Variants in SETD3 observed in about 807,000 individuals in gnomAD.
SETD3 encodes SET domain containing 3, actin N3(tau)-histidine methyltransferase, also known as actin-histidine N-methyltransferase.
Under a neutral mutation model 63.0 loss-of-function variants are expected in SETD3, and 19 were observed. The ratio of observed to expected loss-of-function variants is 0.30; its 90% CI spans 0.21 to 0.44. The LOEUF (loss-of-function observed/expected upper bound fraction) is 0.44. SETD3 is among the 20% of genes least tolerant of loss of function. SETD3 has a pLI of 1.00. For synonymous variants in SETD3, 286 were observed against 264.1 expected (o/e 1.08, Z -0.80); for missense variants, 587 against 728.5 (o/e 0.81, Z 2.24).
chr14:99,466,452 G>A (rs187710700), intron 1 of SETD3, among the ~76,000 whole-genome samples: 14 of 152,308 alleles, frequency 9.2e-5, no homozygotes, highest in Admixed American at 2.6e-4. Context: ...GGTCCTCTGC[G>A]GGCATGTGAG....
At chr14:99,419,898 C>A (rs1485595242) in intron 6 of SETD3, among the ~76,000 whole-genome samples, 1 of 151,900 alleles carries the variant, frequency 6.6e-6, no homozygotes, top group African/African-American at 2.4e-5. Flanking sequence ...AATTACTCAA[C>A]AAATATTTAT....
chr14:99,441,799 G>T (rs930549704), intron 6 of SETD3, among the ~76,000 whole-genome samples: 1 of 152,202 alleles, frequency 6.6e-6, no homozygotes, highest in Non-Finnish European at 1.5e-5. Flanking sequence ...TGTTCTAAGC[G>T]TAAGGAAAAG....
In SETD3 at chr14:99,470,274, C is replaced by A. The variant is rs1566735292; in HGVS notation, c.-8-4461G>T. Among the ~76,000 whole-genome samples, 5 of 152,204 alleles carry A rather than the reference C, an allele frequency of 3.3e-5. No individual in the cohort carries two copies. The South Asian group carries it at 1.0e-3, about 31-fold the overall frequency. ...TCTTCCATGCAACCCTCACGCCCAA[C>A]AAAGTCAGTAAGAAAGGGTCAAACT... On this transcript the variant is annotated intron_variant, in intron 1 of 12. Transcript: ENST00000331768.
At chr14:99,484,132 C>A (rs1240717861), upstream of SETD3, among the ~76,000 whole-genome samples, 3 of 152,210 alleles carry the variant, frequency 2.0e-5, no homozygotes, top group East Asian at 5.8e-4. Flanking sequence ...ATGTAACATT[C>A]CACTTAAACA....
At chr14:99,448,781 G>T (rs1286940991) in intron 6 of SETD3, among the ~76,000 whole-genome samples, 1 of 152,188 alleles carries the variant, frequency 6.6e-6, no homozygotes, top group Non-Finnish European at 1.5e-5. Context: ...GAACACGTTT[G>T]CTTCTAGGGA....
At chr14:99,476,229 G>C (rs1369377150) in intron 1 of SETD3, among the ~76,000 whole-genome samples, 1 of 152,184 alleles carries the variant, frequency 6.6e-6, no homozygotes, top group Non-Finnish European at 1.5e-5. Context: ...ACACCTCAAT[G>C]ACAAATCTTA....
chr14:99,427,908 G>A (rs971308724), intron 6 of SETD3, among the ~76,000 whole-genome samples: 4 of 152,212 alleles, frequency 2.6e-5, no homozygotes, highest in African/African-American at 7.2e-5. Flanking sequence ...GGTGGCATGC[G>A]AGTTAAGTCT....
chr14:99,474,815 G>A (rs1392870784), intron 1 of SETD3, among the ~76,000 whole-genome samples: 1 of 152,010 alleles, frequency 6.6e-6, no homozygotes, highest in Non-Finnish European at 1.5e-5. Flanking sequence ...GGGCCACAGA[G>A]CAAGACTGTG....
intron 6 of SETD3, among the ~76,000 whole-genome samples, chr14:99,438,015 T>C (rs1893587576): frequency 6.6e-6 from 1 of 152,204 alleles, no homozygotes; most frequent in Admixed American, 6.5e-5. Context: ...GAACAAGGAC[T>C]TCAAAGCCGA....
chr14:99,449,596 G>A (rs186529433), intron 6 of SETD3, among the ~76,000 whole-genome samples: 5 of 152,156 alleles, frequency 3.3e-5, no homozygotes, highest in Admixed American at 3.3e-4. Context: ...GACAAGGAGA[G>A]ACCAAGGAAC....
intron 4 of SETD3, 84 bp downstream of exon 4, chr14:99,461,106 ACG>A (rs1895039199): frequency 1.4e-6 from 2 of 1,479,272 alleles, no homozygotes; most frequent in Non-Finnish European, 1.8e-6. Context: ...CCCCCACCAC[ACG>A]TCTACCTCTT....
Position 99,435,013 on chromosome 14 carries a change from T to TA in SETD3, c.676-21080dup, listed in dbSNP as rs200536420. Among the ~76,000 whole-genome samples the TA allele has an allele frequency of 2.0e-3, 308 of 151,936 alleles. 1 individual carries two copies. The highest frequency in any genetic ancestry group is 7.2e-3 in the African/African-American group (297 of 41,502). On this transcript the variant is annotated intron_variant, in intron 6 of 12. Transcript: ENST00000331768. Reference sequence around the variant, plus strand: ...GGGTTACTAACTGGCCCCAGCCTTTTAAAAAAAATTATATTTTTATTCTAT... The same window carrying TA: ...GGGTTACTAACTGGCCCCAGCCTTTTAAAAAAAAATTATATTTTTATTCTAT...
At chr14:99,441,830 A>G (rs1487699806) in intron 6 of SETD3, among the ~76,000 whole-genome samples, 4 of 152,226 alleles carry the variant, frequency 2.6e-5, no homozygotes, top group Non-Finnish European at 5.9e-5. Context: ...GACATGGACT[A>G]CTATTTATAT....
At chr14:99,471,876 A>T (rs1437840976) in intron 1 of SETD3, among the ~76,000 whole-genome samples, 1 of 152,170 alleles carries the variant, frequency 6.6e-6, no homozygotes, top group African/African-American at 2.4e-5. Context: ...CAAGGACACG[A>T]GCATCCGCCC....
At chr14:99,440,798 T>A (rs571741483) in intron 6 of SETD3, among the ~76,000 whole-genome samples, 3 of 150,302 alleles carry the variant, frequency 2.0e-5, no homozygotes, top group Admixed American at 6.6e-5. Flanking sequence ...CATCACCCCA[T>A]TTTTTGGAAA....
At chr14:99,428,747 G>A (rs752746309) in intron 6 of SETD3, among the ~76,000 whole-genome samples, 1 of 152,178 alleles carries the variant, frequency 6.6e-6, no homozygotes, top group South Asian at 2.1e-4. Context: ...TGGGCCTGAT[G>A]TGGCAAGGAA....
intron 11 of SETD3, among the ~76,000 whole-genome samples, chr14:99,402,564 G>A (rs1218432682): frequency 1.3e-5 from 2 of 152,046 alleles, no homozygotes; most frequent in Admixed American, 6.6e-5. Context: ...TTACAGGCAT[G>A]AGCCACAGCA....
chr14:99,426,502 T>G (rs1028763887), intron 6 of SETD3, among the ~76,000 whole-genome samples: 1 of 152,132 alleles, frequency 6.6e-6, no homozygotes, highest in African/African-American at 2.4e-5. Context: ...GCAGAGCAGC[T>G]GAGGCCTGAA....
At chr14:99,431,053 A>T (rs1489734014) in intron 6 of SETD3, among the ~76,000 whole-genome samples, 2 of 152,242 alleles carry the variant, frequency 1.3e-5, no homozygotes, top group Admixed American at 1.3e-4. Flanking sequence ...TGTTTTACAG[A>T]TAAAAGGCCC....
Sources: gnomAD v4.1 joint callset for allele counts (sites outside exome capture counted in the v4.1 genomes callset) on GRCh38, gnomAD v4.1.1 for gene constraint, MANE v1.5 for transcripts, NCBI Gene and HGNC (gene_info 2026-07-23, HGNC 2026-07-21) for gene names.